Variants in CRKL observed in about 807,000 individuals in gnomAD.
The protein encoded by CRKL is CRK like proto-oncogene, adaptor protein, also known as crk-like protein.
Under a neutral mutation model 23.0 loss-of-function variants are expected in CRKL, and 3 were observed. The ratio of observed to expected loss-of-function variants is 0.13; its 90% confidence interval spans 0.06 to 0.34. The LOEUF (loss-of-function observed/expected upper bound fraction) is 0.34. Among genes scored for constraint, CRKL ranks in the 10% least tolerant of loss-of-function variants. The probability of loss-of-function intolerance (pLI) is 1.00; values close to 1 mark genes in which losing one functional copy is unlikely to be tolerated. For missense variants in CRKL, 256 were observed against 394.5 expected (o/e 0.65, Z 2.97); for synonymous variants, 188 against 160.7 (o/e 1.17, Z -1.28).
chr22:20,923,932 A>G (rs1446877204), intron 1 of CRKL, among the ~76,000 whole-genome samples: 1 of 151,902 alleles, frequency 6.6e-6, no homozygotes, highest in African/African-American at 2.4e-5. Context: ...CGTGCCTGTA[A>G]TCCCAGCACT....
chr22:20,944,115 G>C (rs1921970507), intron 2 of CRKL, among the ~76,000 whole-genome samples: 1 of 135,786 alleles, frequency 7.4e-6, no homozygotes, highest in Admixed American at 7.4e-5. Flanking sequence ...TGTTGTATTT[G>C]TAGATCACTT....
intron 2 of CRKL, among the ~76,000 whole-genome samples, chr22:20,947,889 GC>G (rs1414540428): frequency 6.6e-6 from 1 of 151,256 alleles, no homozygotes; most frequent in Non-Finnish European, 1.5e-5. Context: ...TCACTGTGTT[GC>G]CCAGGCTGGT....
chr22:20,931,470 G>A (rs1259470006), intron 1 of CRKL, among the ~76,000 whole-genome samples: 4 of 152,184 alleles, frequency 2.6e-5, no homozygotes, highest in Admixed American at 1.3e-4. Context: ...GTTCATGTCG[G>A]TACATTGGAT....
intron 1 of CRKL, among the ~76,000 whole-genome samples, chr22:20,927,115 A>G (rs1921235142): frequency 3.0e-5 from 2 of 65,638 alleles, no homozygotes; most frequent in Non-Finnish European, 9.2e-5. Flanking sequence ...CCGTCTCAAA[A>G]AAAAAAAAAA....
intron 1 of CRKL, among the ~76,000 whole-genome samples, chr22:20,921,772 G>A (rs1181405201): frequency 2.0e-5 from 3 of 150,364 alleles, no homozygotes; most frequent in African/African-American, 7.4e-5. Context: ...TGGAGTGTGC[G>A]ATCTCGGCTC....
At chr22:20,919,971 T>G (rs193293656) in intron 1 of CRKL, among the ~76,000 whole-genome samples, 206 of 152,076 alleles carry the variant, frequency 1.4e-3, no homozygotes, top group African/African-American at 4.8e-3. Flanking sequence ...AGAATCTGAT[T>G]GGTGAAACCT....
chr22:20,950,762 A>C lies in CRKL; in HGVS notation c.*917A>C, dbSNP rs1467142976. ...TTAAGTAGCAGGTTGGGTTTTTATG[A>C]TAGTGCAAGGAATGACTCATGCCTC... On this transcript the variant is annotated 3_prime_UTR_variant, in exon 3 of 3. Coordinates refer to ENST00000354336, the MANE Select transcript of CRKL (RefSeq NM_005207.4). 1 of 224,978 alleles carries C rather than the reference A, an allele frequency of 4.4e-6. No homozygotes were observed. The highest frequency in any genetic ancestry group is 6.4e-5 in the East Asian group (1 of 15,540). 13.9% of individuals were successfully genotyped at this position (224,978 alleles called of 1,614,324 possible).
chr22:20,938,562 C>G (rs190114629), intron 2 of CRKL, among the ~76,000 whole-genome samples: 1 of 152,180 alleles, frequency 6.6e-6, no homozygotes, highest in Admixed American at 6.5e-5. Flanking sequence ...AATTTTCTTG[C>G]ATTGCCTTCA....
chr22:20,929,145 G>A (rs544926898), intron 1 of CRKL, among the ~76,000 whole-genome samples: 36 of 152,134 alleles, frequency 2.4e-4, no homozygotes, highest in African/African-American at 8.4e-4. Flanking sequence ...TGAAAACCCT[G>A]TGCATTTTAT....
At chr22:20,934,440 T>G (rs998205427) in intron 2 of CRKL, among the ~76,000 whole-genome samples, 196 bp downstream of exon 2, 2 of 152,218 alleles carry the variant, frequency 1.3e-5, no homozygotes, top group Non-Finnish European at 2.9e-5. Context: ...AAGAGTTGTT[T>G]GCCCAGGCTG....
intron 1 of CRKL, among the ~76,000 whole-genome samples, chr22:20,920,038 A>G (rs1372799406): frequency 6.6e-6 from 1 of 152,168 alleles, no homozygotes; most frequent in East Asian, 1.9e-4. Context: ...TATAATTCCA[A>G]TTTAAGGAGT....
chr22:20,930,070 C>T (rs2147901270), intron 1 of CRKL, among the ~76,000 whole-genome samples: 1 of 152,238 alleles, frequency 6.6e-6, no homozygotes, highest in South Asian at 2.1e-4. Context: ...ATGAATATCT[C>T]TGCAGATACT....
At chr22:20,921,729 T>C (rs1272466549) in intron 1 of CRKL, among the ~76,000 whole-genome samples, 1 of 151,772 alleles carries the variant, frequency 6.6e-6, no homozygotes, top group African/African-American at 2.4e-5. Context: ...TTTTTTTTTT[T>C]CTTGAGACGG....
At chr22:20,939,575 A>AT (rs1418019485) in intron 2 of CRKL, among the ~76,000 whole-genome samples, 1 of 151,542 alleles carries the variant, frequency 6.6e-6, no homozygotes, top group Non-Finnish European at 1.5e-5. Context: ...GGTCTGTCTC[A>AT]TGTTGTATGG....
At chr22:20,932,606 A>C (rs1436507297) in intron 1 of CRKL, among the ~76,000 whole-genome samples, 1 of 152,156 alleles carries the variant, frequency 6.6e-6, no homozygotes, top group African/African-American at 2.4e-5. Flanking sequence ...AGATTATAAA[A>C]ATAAATTTAA....
intron 1 of CRKL, among the ~76,000 whole-genome samples, chr22:20,930,741 C>T (rs1356366146): frequency 1.7e-4 from 19 of 112,910 alleles, no homozygotes; most frequent in Admixed American, 1.1e-3. Context: ...CAGGCAGTGA[C>T]GTGATCTTGG....
intron 1 of CRKL, among the ~76,000 whole-genome samples, chr22:20,924,324 C>T (rs1921111668): frequency 6.6e-6 from 1 of 152,142 alleles, no homozygotes; most frequent in African/African-American, 2.4e-5. Context: ...GCCTCACACA[C>T]CTGTGAAGTA....
intron 2 of CRKL, among the ~76,000 whole-genome samples, chr22:20,940,309 A>C (rs1164722957): frequency 6.6e-6 from 1 of 152,060 alleles, no homozygotes; most frequent in Non-Finnish European, 1.5e-5. Context: ...TCCACTTCCC[A>C]TTCTAAATTC....
intron 2 of CRKL, 138 bp downstream of exon 2, chr22:20,934,382 G>A (rs1569134990): frequency 1.0e-5 from 8 of 785,496 alleles, no homozygotes; most frequent in Non-Finnish European, 1.6e-5. Flanking sequence ...CGCACTGTTA[G>A]CGTTTCATTT....
Sources: gnomAD v4.1 joint callset for allele counts (sites outside exome capture counted in the v4.1 genomes callset) on GRCh38, gnomAD v4.1.1 for gene constraint, MANE v1.5 for transcripts, NCBI Gene and HGNC (gene_info 2026-07-23, HGNC 2026-07-21) for gene names.